The following CEP250 variants were observed in gnomAD, a reference collection of about 807,000 sequenced individuals.
CEP250 encodes centrosomal protein 250.
Under a neutral mutation model 315.7 loss-of-function variants are expected in CEP250, and 242 were observed. The observed-to-expected ratio is 0.77, with a 90% confidence interval of 0.69 to 0.85. CEP250 has a LOEUF of 0.85. Ranked by LOEUF, CEP250 falls within the 40% of genes least tolerant of loss-of-function variation. The pLI is 0.00. For missense variants in CEP250, 2,515 were observed against 2,886.4 expected, an observed-to-expected ratio of 0.87 and a Z score of 2.95; for synonymous variants, 1,088 against 1,175.0, an observed-to-expected ratio of 0.93 and a Z score of 1.51.
At chr20:35,484,947 T>G (rs1276659686) in intron 20 of CEP250, among the ~76,000 whole-genome samples, 1 of 151,616 alleles carries the variant, frequency 6.6e-6, no homozygotes, top group African/African-American at 2.4e-5. Context: ...TTTTCTACCA[T>G]TAAAAATGTA....
chr20:35,479,437 C>T lies in CEP250; in HGVS notation c.2288+13C>T, dbSNP rs1234302439. 4 of 1,608,412 alleles carry T rather than the reference C, an allele frequency of 2.5e-6. No homozygotes were observed. The highest frequency in any genetic ancestry group is 2.5e-6 in the Non-Finnish European group (3 of 1,177,590). ...TACAGGGGCTCAGGTAGGGCCCAGA[C>T]TCAGTTCAGCCAAGCACAGAGAGAG... On this transcript the variant is annotated intron_variant, in intron 18 of 34. Transcript: ENST00000397527.
rs572044572 is a variant in CEP250 at position 35,511,751 on chromosome 20, G to T, written c.*125G>T. The T allele has an allele frequency of 7.0e-7, 1 of 1,434,170 alleles. No individual in the cohort carries two copies. Among genetic ancestry groups the T allele is most frequent in the Non-Finnish European group, 9.1e-7 (1 of 1,096,718 alleles). The allele number at this position is 1,434,170 out of a possible 1,614,324, so 88.8% of individuals were successfully genotyped here. A position where few individuals can be genotyped will look rare whatever the true frequency, so the allele number is the denominator to read the frequency against. On this transcript the variant is annotated 3_prime_UTR_variant, in exon 35 of 35. Coordinates refer to ENST00000397527, the MANE Select transcript of CEP250 (RefSeq NM_007186.6). The stretch of plus-strand genomic sequence containing the variant: ...GCACCCAGGAGCCCCAGGTCGGCGG[G>T]TGTTCCCAGGAAGAGGAAGTAAATC...
At chr20:35,483,902 T>G (rs1464539613) in intron 20 of CEP250, among the ~76,000 whole-genome samples, 3 of 152,218 alleles carry the variant, frequency 2.0e-5, no homozygotes, top group African/African-American at 7.2e-5. Flanking sequence ...ATTTCACTTT[T>G]TAAATTTTTT....
chr20:35,493,701 C>T, intron 23 of CEP250, 129 bp downstream of exon 23: 1 of 755,154 alleles, frequency 1.3e-6, no homozygotes, highest in South Asian at 2.5e-5. Flanking sequence ...GGGTGGGCCA[C>T]AGTACTGAGT....
chr20:35,500,239 G>A, intron 28 of CEP250, 70 bp downstream of exon 28: 3 of 1,576,558 alleles, frequency 1.9e-6, no homozygotes, highest in Non-Finnish European at 8.6e-7. Flanking sequence ...GAAGTGGCAG[G>A]CACAGGCCTA....
At chr20:35,501,724 C>T in intron 28 of CEP250, 121 bp from the exon 29 acceptor site, 1 of 1,149,040 alleles carries the variant, frequency 8.7e-7, no homozygotes, top group Non-Finnish European at 1.2e-6. Flanking sequence ...TAATTTTCTC[C>T]TTCTTGGCCT....
rs17092706 is a variant in CEP250, at chr20:35,496,623, C to G, written c.3214C>G (p.Gln1072Glu). The part of the protein sequence containing the change: ...MEKEQRLLVL[Q>E]EADSIRQQEL... The stretch of plus-strand genomic sequence containing the variant: ...AAAGGAACAGAGACTCCTTGTTTTA[C>G]AAGAAGCTGACTCTATTCGACAACA... Residue 1072 changes from glutamine (Q) to glutamate (E), a missense_variant, in exon 25 of 35, where the codon CAA (glutamine) becomes GAA (glutamate). By Grantham distance (29) the Gln-to-Glu change is conservative. Transcript: ENST00000397527. 3,518 of 1,614,066 alleles carry G rather than the reference C, an allele frequency of 2.2e-3. 41 individuals carry two copies. The African/African-American group carries it at 0.038, about 18-fold the overall frequency.
chr20:35,505,635 GA>G (rs1158680000), intron 30 of CEP250, among the ~76,000 whole-genome samples: 1 of 109,556 alleles, frequency 9.1e-6, no homozygotes, highest in Non-Finnish European at 1.8e-5. Flanking sequence ...CCTGGGCAAA[GA>G]AACGAGACTC....
chr20:35,465,420 CAA>C (rs80078387), intron 5 of CEP250, among the ~76,000 whole-genome samples: 24 of 59,036 alleles, frequency 4.1e-4, no homozygotes, highest in African/African-American at 3.0e-4. Context: ...ACTCTGTCTC[CAA>C]AAAAAAAAAA....
rs774075651 is a variant in CEP250, at chr20:35,503,241, G to A, written c.4872G>A (p.Glu1624=). The A allele has an allele frequency of 1.2e-6, 2 of 1,614,238 alleles. No individual in the cohort carries two copies. The highest frequency in any genetic ancestry group is 8.5e-7 in the Non-Finnish European group (1 of 1,180,036). The part of the protein sequence containing the change: ...LESHSTVLAR[E]LQERDQEVKS... ...GCCACAGCACCGTTCTGGCAAGAGA[G>A]CTGCAGGAGAGGGACCAGGAGGTGA... The change falls in exon 30 of 35, where the codon GAG becomes GAA. Residue 1624 remains glutamate (E), a synonymous_variant. Transcript: ENST00000397527. This position sits in a 1 kb window ranked among gnomAD's most constrained non-coding sequence, Gnocchi z 4.2.
In CEP250 at chr20:35,494,533, T is replaced by G. The variant is rs1313930279; in HGVS notation, c.3043T>G (p.Leu1015Val). Residue 1015 changes from leucine to valine, a missense_variant, in exon 24 of 35, where the codon TTG (leucine) becomes GTG (valine). Physicochemically the swap from Leu to Val is conservative, Grantham distance 32. Transcript: ENST00000397527. ...KMDLQKQVEDLKSQLVAQDDS... is the reference protein window; with the variant it reads ...KMDLQKQVEDVKSQLVAQDDS... ...GCCCTTAATTTTCCAGGTGGAGGAC[T>G]TGAAGTCTCAGCTGGTGGCCCAGGA... The G allele has an allele frequency of 6.2e-7, 1 of 1,613,902 alleles. No individual in the cohort carries two copies. The highest frequency in any genetic ancestry group is 1.7e-5 in the Admixed American group (1 of 60,022).
intron 2 of CEP250, among the ~76,000 whole-genome samples, chr20:35,458,999 T>A (rs1285129712): frequency 2.0e-5 from 2 of 99,010 alleles, no homozygotes; most frequent in Non-Finnish European, 3.7e-5. Context: ...TTTTTTGAGA[T>A]GGAGCCTTGC....
At chr20:35,494,886 C>T (rs1430815343) in intron 24 of CEP250, among the ~76,000 whole-genome samples, 5 of 152,158 alleles carry the variant, frequency 3.3e-5, no homozygotes, top group African/African-American at 7.2e-5. Flanking sequence ...CTTGGGGATA[C>T]AGTGATAAAC....
At chr20:35,477,638 T>C (rs979406527) in intron 16 of CEP250, among the ~76,000 whole-genome samples, 1 of 152,236 alleles carries the variant, frequency 6.6e-6, no homozygotes, top group African/African-American at 2.4e-5. Context: ...TTCTGAATTA[T>C]TTGAGAGCAG....
At position 35,490,648 on chromosome 20, in the gene CEP250, C is replaced by G. The variant is rs2063660701; in HGVS notation, c.2598C>G (p.Arg866=). 2.5e-6 allele frequency: 4 copies of G among 1,613,298 alleles called. No individual in the cohort carries two copies. The highest frequency in any genetic ancestry group is 3.4e-6 in the Non-Finnish European group (4 of 1,179,906). Residue 866 remains arginine (R), a synonymous_variant, in exon 21 of 35, where the codon CGC becomes CGG. Transcript: ENST00000397527. ...NQLREKWEKE[R]SWHQQELAKA... ...CTTCATGTGGCCAGGAGAAGGAGCG[C>G]TCCTGGCACCAGCAGGAGCTGGCAA... is the stretch of plus-strand genomic sequence containing the variant.
upstream of CEP250, chr20:35,455,394 C>T (rs1365346259): frequency 6.6e-6 from 1 of 152,276 alleles, no homozygotes; most frequent in Non-Finnish European, 1.5e-5. Flanking sequence ...TGGGACGCGT[C>T]GTTAGGGCCC....
chr20:35,485,645 CTTTTTTTTTTTTTT>C (rs782622070), intron 20 of CEP250, among the ~76,000 whole-genome samples: 11 of 33,818 alleles, frequency 3.3e-4, no homozygotes, highest in East Asian at 8.6e-4. Flanking sequence ...GTCTGCCTGG[CTTTTTTTTTTTTTT>C]TTTTTTTTTT....
rs768133458 is a variant in CEP250 at position 35,472,698 on chromosome 20, T to C, written c.1076T>C (p.Ile359Thr). The change falls in exon 12 of 35, where the codon ATA becomes ACA. Residue 359 changes from isoleucine to threonine, a missense_variant. Transcript: ENST00000397527. Reference sequence around the variant, plus strand: ...GTCATGGTGGAAGAAGGGGACAATATAGCCCAAGGCTCTGGTCATGAGAAC... The same window carrying C: ...GTCATGGTGGAAGAAGGGGACAATACAGCCCAAGGCTCTGGTCATGAGAAC... ...TQVMVEEGDNIAQGSGHENSL... is the reference protein window; with the variant it reads ...TQVMVEEGDNTAQGSGHENSL... The C allele has an allele frequency of 3.7e-6, 6 of 1,614,050 alleles. No individual in the cohort carries two copies. Among genetic ancestry groups the C allele is most frequent in the Non-Finnish European group, 4.2e-6 (5 of 1,180,022 alleles).
rs773608228 is a variant in CEP250, at chr20:35,497,997, T to C, written c.3585T>C (p.Ser1195=). 1.2e-6 allele frequency: 2 copies of C among 1,613,014 alleles called. No individual in the cohort carries two copies. The highest frequency in any genetic ancestry group is 1.7e-6 in the Non-Finnish European group (2 of 1,179,444). ...CTGCCCTGCAGCAGGCCCTGGGGTC[T>C]GTTTGTGAGAGCAGGCCTGAGCTGA... is the stretch of plus-strand genomic sequence containing the variant. ...LYSALQQALG[S]VCESRPELSG... The change falls in exon 26 of 35, where the codon TCT becomes TCC. Residue 1195 remains serine (S), a synonymous_variant. Coordinates refer to ENST00000397527, the MANE Select transcript of CEP250 (RefSeq NM_007186.6).
Sources: gnomAD v4.1 joint callset for allele counts (sites outside exome capture counted in the v4.1 genomes callset) on GRCh38, gnomAD v4.1.1 for gene constraint, Gnocchi (gnomAD v3.1) non-coding constraint, MANE v1.5 for transcripts, NCBI Gene and HGNC (gene_info 2026-07-23, HGNC 2026-07-21) for gene names.